Variants in MED12L observed in about 807,000 individuals in gnomAD.
The protein encoded by MED12L is mediator of RNA polymerase II transcription subunit 12-like protein.
Under a neutral mutation model 281.3 loss-of-function variants are expected in MED12L, and 60 were observed. The ratio of observed to expected loss-of-function variants is 0.21; its 90% CI spans 0.17 to 0.26. MED12L has a LOEUF of 0.26. MED12L is among the 10% of genes least tolerant of loss of function. The pLI, the probability that MED12L is intolerant of heterozygous loss-of-function variation, is 1.00. For missense variants in MED12L, 2,146 were observed against 2,680.9 expected, an observed-to-expected ratio of 0.80 and a Z score of 4.41; for synonymous variants, 974 against 987.2, an observed-to-expected ratio of 0.99 and a Z score of 0.25.
rs559420127 is a variant in MED12L, at chr3:151,230,586, G to A, written c.2250+36920G>A. ...TACTCCACGCTTTTTTTTTTTTTTT[G>A]AATGCACTTCCACTTCCTTCTAATG... On this transcript the variant is annotated intron_variant, in intron 16 of 44. Coordinates refer to ENST00000687756, the MANE Select transcript of MED12L (RefSeq NM_001393769.1). Among the ~76,000 whole-genome samples the A allele has an allele frequency of 6.4e-3, 761 of 119,438 alleles. 14 individuals carry two copies. Among genetic ancestry groups the A allele is most frequent in the African/African-American group, 0.022 (713 of 31,710 alleles). 78.4% of individuals were successfully genotyped at this position (119,438 alleles called of 152,430 possible).
At chr3:151,357,522 C>T (rs989325874) in intron 20 of MED12L, 146 bp downstream of exon 20, 4 of 672,274 alleles carry the variant, frequency 5.9e-6, no homozygotes, top group African/African-American at 1.8e-5. Context: ...CAGAAAACAT[C>T]GATCAAAAAG....
chr3:151,338,696 GA>G (rs1429838461), intron 16 of MED12L: 1 of 1,613,422 alleles, frequency 6.2e-7, no homozygotes, highest in African/African-American at 1.3e-5. Context: ...GGATTTGAAA[GA>G]AAATCCTCAT....
chr3:151,386,578 GT>G (rs201719010), intron 36 of MED12L, among the ~76,000 whole-genome samples: 296 of 128,372 alleles, frequency 2.3e-3, no homozygotes, highest in African/African-American at 7.4e-3. Context: ...TTTTGTCTTT[GT>G]TTTTTTTTTT....
At chr3:151,142,040 A>G (rs1386580833) in intron 5 of MED12L, among the ~76,000 whole-genome samples, 2 of 152,264 alleles carry the variant, frequency 1.3e-5, no homozygotes, top group South Asian at 2.1e-4. Context: ...CTTGGAAGAT[A>G]GTATACTACA....
intron 20 of MED12L, among the ~76,000 whole-genome samples, chr3:151,360,210 G>A (rs1451298705): frequency 1.3e-5 from 2 of 152,084 alleles, no homozygotes; most frequent in African/African-American, 2.4e-5. Flanking sequence ...TCCTCCATAC[G>A]TACCTTCTTT....
intron 16 of MED12L, among the ~76,000 whole-genome samples, chr3:151,247,962 CTTTTTTTTT>C (rs61102632): frequency 1.3e-4 from 10 of 75,900 alleles, no homozygotes; most frequent in South Asian, 5.1e-4. Context: ...TCTTCTTCTT[CTTTTTTTTT>C]TTTTTTTTTT....
At chr3:151,128,664 A>G (rs1322064321) in intron 5 of MED12L, among the ~76,000 whole-genome samples, 2 of 152,120 alleles carry the variant, frequency 1.3e-5, no homozygotes, top group Non-Finnish European at 2.9e-5. Flanking sequence ...CTCAAATGTC[A>G]TTTCTGCAGG....
chr3:151,429,271 G>T (rs1719194160), intron 43 of MED12L, among the ~76,000 whole-genome samples: 1 of 152,156 alleles, frequency 6.6e-6, no homozygotes, highest in Non-Finnish European at 1.5e-5. Flanking sequence ...CCAGTCTCCT[G>T]GGAGCACCTC....
Position 151,185,347 on chromosome 3 carries a change from A to C in MED12L, c.1512A>C (p.Glu504Asp). 6.2e-7 allele frequency: 1 copy of C among 1,613,744 alleles called. No individual in the cohort carries two copies. Among genetic ancestry groups the C allele is most frequent in the Non-Finnish European group, 8.5e-7 (1 of 1,179,880 alleles). The change falls in exon 12 of 45, where the codon GAA (glutamate) becomes GAC (aspartate). Residue 504 changes from glutamate (E) to aspartate (D), a missense_variant. Physicochemically the swap from Glu to Asp is conservative, Grantham distance 45 (BLOSUM62 2). Coordinates refer to ENST00000687756, the MANE Select transcript of MED12L (RefSeq NM_001393769.1). ...GTCATTAGGTTGCGCCCAACGATGA[A>C]GCTGTGGTGACGCTGTTATGTGAAT... ...KDNQEVAPNDEAVVTLLCEWA... is the reference protein window; with the variant it reads ...KDNQEVAPNDDAVVTLLCEWA...
intron 16 of MED12L, among the ~76,000 whole-genome samples, chr3:151,247,962 C>CTTCTTTTT (rs1314747790): frequency 6.6e-5 from 5 of 75,902 alleles, no homozygotes; most frequent in African/African-American, 2.7e-4. Flanking sequence ...TCTTCTTCTT[C>CTTCTTTTT]TTTTTTTTTT....
intron 6 of MED12L, among the ~76,000 whole-genome samples, chr3:151,157,593 T>C (rs1313492316): frequency 6.6e-6 from 1 of 152,212 alleles, no homozygotes; most frequent in African/African-American, 2.4e-5. Flanking sequence ...GAACTCACTT[T>C]ATTGGTCTTA....
chr3:151,195,826 A>G (rs1724569882), intron 16 of MED12L, among the ~76,000 whole-genome samples: 2 of 152,254 alleles, frequency 1.3e-5, no homozygotes, highest in Non-Finnish European at 2.9e-5. Context: ...GCTGAATGGC[A>G]TATGGAACTC....
At chr3:151,377,302 G>A (rs1185790245) in intron 30 of MED12L, 124 bp downstream of exon 30, 3 of 730,102 alleles carry the variant, frequency 4.1e-6, no homozygotes, top group Non-Finnish European at 6.6e-6. Flanking sequence ...CTTGTAAGCA[G>A]GGATTATTAT....
intron 5 of MED12L, among the ~76,000 whole-genome samples, chr3:151,155,526 G>A (rs1238511913): frequency 6.6e-6 from 1 of 152,216 alleles, no homozygotes; most frequent in Non-Finnish European, 1.5e-5. Context: ...TGAAGATCCA[G>A]ATGATTGTCC....
chr3:151,321,843 A>G (rs1749036828), intron 16 of MED12L, among the ~76,000 whole-genome samples: 2 of 151,766 alleles, frequency 1.3e-5, no homozygotes, highest in Admixed American at 6.6e-5. Context: ...CTCAACTTCC[A>G]TTCCTACCAT....
chr3:151,195,240 T>C (rs1724496670), intron 16 of MED12L, among the ~76,000 whole-genome samples: 1 of 152,210 alleles, frequency 6.6e-6, no homozygotes. Flanking sequence ...CAAAACAAAG[T>C]ATTCTGTTAA....
chr3:151,422,089 T>C (rs1327119546), intron 43 of MED12L, among the ~76,000 whole-genome samples: 2 of 152,194 alleles, frequency 1.3e-5, no homozygotes, highest in African/African-American at 4.8e-5. Flanking sequence ...GTGTGTGTGG[T>C]GGAGACCAGC....
At chr3:151,246,812 C>T (rs1173641574) in intron 16 of MED12L, among the ~76,000 whole-genome samples, 3 of 152,184 alleles carry the variant, frequency 2.0e-5, no homozygotes, top group Non-Finnish European at 4.4e-5. Flanking sequence ...GCAAAAGATA[C>T]TACCATCAGA....
chr3:151,383,976 A>T, intron 34 of MED12L, 88 bp downstream of exon 34: 1 of 1,480,154 alleles, frequency 6.8e-7, no homozygotes, highest in Non-Finnish European at 9.3e-7. Context: ...GCCACATCTT[A>T]TTTACTTGGA....
Sources: allele counts gnomAD v4.1 joint callset (sites outside exome capture counted in the v4.1 genomes callset), GRCh38; gene constraint gnomAD v4.1.1; transcripts MANE v1.5; gene names NCBI Gene and HGNC (gene_info 2026-07-23, HGNC 2026-07-21).